Variants in GRIK4 observed in about 807,000 individuals in gnomAD.
GRIK4 encodes the protein glutamate receptor ionotropic, kainate 4.
Under a neutral mutation model 104.9 loss-of-function variants are expected in GRIK4, and 40 were observed. That is an observed-to-expected ratio of 0.38 (90% CI 0.30 to 0.50). The LOEUF (loss-of-function observed/expected upper bound fraction) is 0.50, where lower values mean the gene tolerates loss of function less well. Ranked by LOEUF, GRIK4 falls within the 20% of genes least tolerant of loss-of-function variation. The probability of loss-of-function intolerance (pLI) is 0.93; values close to 1 mark genes in which losing one functional copy is unlikely to be tolerated. For missense variants in GRIK4, 1,047 were observed against 1,308.1 expected, an observed-to-expected ratio of 0.80 and a Z score of 3.08; for synonymous variants, 485 against 524.9, an observed-to-expected ratio of 0.92 and a Z score of 1.04.
chr11:120,699,690 C>G (rs1950519317), intron 3 of GRIK4, among the ~76,000 whole-genome samples: 1 of 152,000 alleles, frequency 6.6e-6, no homozygotes, highest in Non-Finnish European at 1.5e-5. Context: ...GCATGGAAAA[C>G]CTCTCTGAGA....
chr11:120,617,443 G>C (rs760058514), intron 1 of GRIK4, among the ~76,000 whole-genome samples: 1 of 151,992 alleles, frequency 6.6e-6, no homozygotes, highest in Non-Finnish European at 1.5e-5. Context: ...GCAATGGCAC[G>C]ATCTCAGCTC....
chr11:120,656,687 C>T (rs1949715226), intron 2 of GRIK4, among the ~76,000 whole-genome samples: 1 of 152,164 alleles, frequency 6.6e-6, no homozygotes, highest in African/African-American at 2.4e-5. Context: ...ATGGTGAAGT[C>T]CCATCTCCAC....
rs1211906504 is a variant in GRIK4 at position 120,802,815 on chromosome 11, T to C, written c.205T>C (p.Phe69Leu). The change falls in exon 4 of 21, where the codon TTT becomes CTT. Residue 69 changes from phenylalanine to leucine, a missense_variant. This residue lies in a region of GRIK4 where 447 missense variants were observed against 514.9 expected (regional missense o/e 0.87). Coordinates refer to ENST00000527524, the MANE Select transcript of GRIK4 (RefSeq NM_014619.5). ...CAAGGCCAAGGTCGAAGTGGACATC[T>C]TTGAGCTTCTCAGAGACAGCGAGTA... Reference protein sequence around the residue: ...LGKAKVEVDIFELLRDSEYET... With the variant: ...LGKAKVEVDILELLRDSEYET... 6.2e-7 allele frequency: 1 copy of C among 1,614,180 alleles called. No individual in the cohort carries two copies. The highest frequency in any genetic ancestry group is 8.5e-7 in the Non-Finnish European group (1 of 1,180,024).
chr11:120,865,169 A>G (rs2135643861), intron 9 of GRIK4, among the ~76,000 whole-genome samples: 1 of 152,294 alleles, frequency 6.6e-6, no homozygotes, highest in East Asian at 1.9e-4. Flanking sequence ...CCTAAATCTC[A>G]TGATACACAA....
chr11:120,836,015 C>G (rs781710919), intron 7 of GRIK4, among the ~76,000 whole-genome samples: 1 of 152,184 alleles, frequency 6.6e-6, no homozygotes, highest in Non-Finnish European at 1.5e-5. Context: ...TCACTTGTTT[C>G]CGACGTCACT....
intron 3 of GRIK4, among the ~76,000 whole-genome samples, chr11:120,744,294 C>T (rs1329242840): frequency 6.6e-6 from 1 of 152,174 alleles, no homozygotes; most frequent in African/African-American, 2.4e-5. Flanking sequence ...CAGTGTGGGG[C>T]TCAGGCTTCT....
chr11:120,943,019 T>G (rs541249578), intron 14 of GRIK4, among the ~76,000 whole-genome samples: 1 of 152,090 alleles, frequency 6.6e-6, no homozygotes, highest in South Asian at 2.1e-4. Context: ...GCCTGCCTTT[T>G]GGACTTATTA....
chr11:120,879,275 C>T (rs1954899417), intron 11 of GRIK4, among the ~76,000 whole-genome samples: 1 of 152,248 alleles, frequency 6.6e-6, no homozygotes, highest in African/African-American at 2.4e-5. Flanking sequence ...TCTGCTGCCA[C>T]CTGCTGCAAA....
intron 3 of GRIK4, among the ~76,000 whole-genome samples, chr11:120,760,832 TTTA>T (rs900521786): frequency 3.3e-5 from 5 of 152,328 alleles, no homozygotes; most frequent in African/African-American, 1.2e-4. Context: ...ACATTTTTTT[TTTA>T]TTCAGTCTGT....
chr11:120,692,288 A>G (rs1299019384), intron 3 of GRIK4, among the ~76,000 whole-genome samples: 2 of 152,216 alleles, frequency 1.3e-5, no homozygotes, highest in African/African-American at 4.8e-5. Context: ...GAAGATTTTT[A>G]AGGCTCTGCT....
chr11:120,674,607 A>G (rs1311790518), intron 3 of GRIK4, among the ~76,000 whole-genome samples: 3 of 152,218 alleles, frequency 2.0e-5, no homozygotes, highest in Admixed American at 6.5e-5. Context: ...TTTCTAGCAC[A>G]TGGTCTTTGA....
chr11:120,831,583 C>T (rs750302934), intron 6 of GRIK4, among the ~76,000 whole-genome samples: 2 of 152,148 alleles, frequency 1.3e-5, no homozygotes, highest in Non-Finnish European at 2.9e-5. Flanking sequence ...CCCAAGGGAG[C>T]TTCCGTCTCT....
At chr11:120,883,019 C>T (rs752935245) in intron 11 of GRIK4, among the ~76,000 whole-genome samples, 6 of 152,206 alleles carry the variant, frequency 3.9e-5, no homozygotes, top group Admixed American at 6.5e-5. Context: ...CTGCAAGCAC[C>T]GGTCCAGTGC....
intron 1 of GRIK4, among the ~76,000 whole-genome samples, chr11:120,550,370 T>TGAGTTGGGGGGTGGGGG (rs1565546395): frequency 1.6e-4 from 6 of 38,084 alleles, no homozygotes; most frequent in African/African-American, 5.9e-4. Context: ...GGGGGTGGGG[T>TGAGTTGGGGGGTGGGGG]GGGGTTCTCC....
intron 1 of GRIK4, among the ~76,000 whole-genome samples, chr11:120,646,894 CT>C (rs544887495): frequency 6.6e-6 from 1 of 152,178 alleles, no homozygotes; most frequent in Non-Finnish European, 1.5e-5. Context: ...ATTGAACAGC[CT>C]GGTGAAGTAG....
chr11:120,825,599 G>A (rs142243025), intron 6 of GRIK4, among the ~76,000 whole-genome samples: 1 of 152,338 alleles, frequency 6.6e-6, no homozygotes, highest in Non-Finnish European at 1.5e-5. Context: ...GAGAGGAGCA[G>A]ACTTGGATCT....
At chr11:120,570,174 C>A (rs1591702249) in intron 1 of GRIK4, among the ~76,000 whole-genome samples, 1 of 152,126 alleles carries the variant, frequency 6.6e-6, no homozygotes, top group African/African-American at 2.4e-5. Flanking sequence ...TCGTGGGGAA[C>A]CTCGCTCTAC....
chr11:120,871,352 T>C (rs761644394), intron 9 of GRIK4: 10 of 320,320 alleles, frequency 3.1e-5, no homozygotes, highest in Admixed American at 2.8e-4. Context: ...ACAAGGACGG[T>C]TGTAGGCTTG....
chr11:120,844,989 C>T (rs1437460518), intron 8 of GRIK4, among the ~76,000 whole-genome samples: 1 of 152,198 alleles, frequency 6.6e-6, no homozygotes, highest in Non-Finnish European at 1.5e-5. Flanking sequence ...CACACCATGC[C>T]TGCCTTGGTC....
Sources: allele counts gnomAD v4.1 joint callset (sites outside exome capture counted in the v4.1 genomes callset), GRCh38; gene constraint gnomAD v4.1.1; regional missense constraint gnomAD v4.1.1; transcripts MANE v1.5; gene names NCBI Gene and HGNC (gene_info 2026-07-23, HGNC 2026-07-21).